Variants in ZMYND19 observed in about 807,000 individuals in gnomAD.
The protein encoded by ZMYND19 is zinc finger MYND-type containing 19.
In ZMYND19, 17 loss-of-function variants were observed where a neutral mutation model predicts 32.0. The ratio of observed to expected loss-of-function variants is 0.53; its 90% CI spans 0.36 to 0.80. ZMYND19 has a LOEUF of 0.80. Ranked by LOEUF, ZMYND19 falls within the 30% of genes least tolerant of loss-of-function variation. The pLI, the probability that ZMYND19 is intolerant of heterozygous loss-of-function variation, is 0.00. For synonymous variants in ZMYND19, 124 were observed against 113.6 expected (o/e 1.09, Z -0.58); for missense variants, 250 against 293.6 (o/e 0.85, Z 1.09).
At chr9:137,588,809 C>T (rs1842236770) in intron 1 of ZMYND19, 91 bp from the exon 2 acceptor site, 1 of 1,463,000 alleles carries the variant, frequency 6.8e-7, no homozygotes, top group Non-Finnish European at 9.6e-7. Context: ...GAGCCTGTTG[C>T]ATTTTCCTGT....
intron 5 of ZMYND19, 28 bp from the exon 6 acceptor site, chr9:137,582,714 C>T (rs1842161033): frequency 6.2e-7 from 1 of 1,607,582 alleles, no homozygotes; most frequent in Non-Finnish European, 8.5e-7. Flanking sequence ...TGTGGCTTCA[C>T]CATCATGCCT....
rs957621784 is a variant in ZMYND19, at chr9:137,589,352, G to A, written c.52-634C>T. The A allele has an allele frequency of 9.1e-6, 9 of 985,300 alleles. No individual in the cohort carries two copies. The African/African-American group carries it at 1.4e-4, about 15-fold the overall frequency. The allele number at this position is 985,300 out of a possible 1,614,324, so 61.0% of individuals were successfully genotyped here. ...AGGAAACAGGAACAGGTCCCAGAAC[G>A]GGCCAGTCTCCCTCTTGGCAGTTTT... On this transcript the variant is annotated intron_variant, in intron 1 of 5. Transcript: ENST00000298585.
At position 137,588,685 on chromosome 9, in the gene ZMYND19, G is replaced by C; in HGVS notation, c.85C>G (p.Pro29Ala). ...KYTLIDEQDI[P>A]LVESYSFEAR... is the part of the protein sequence containing the mutation. ...TCAAAGGAGTAGCTCTCCACCAGCGGGATGTCCTGCTCATCGATCAGCGTG... is the reference window on the plus strand; with the variant it reads ...TCAAAGGAGTAGCTCTCCACCAGCGCGATGTCCTGCTCATCGATCAGCGTG... Residue 29 changes from proline to alanine, a missense_variant, in exon 2 of 6, where the codon CCG (proline) becomes GCG (alanine). Pro to Ala is a conservative substitution (Grantham distance 27). This residue lies in a region of ZMYND19 where 212 missense variants were observed against 218.8 expected (regional missense o/e 0.97). Coordinates refer to ENST00000298585, the MANE Select transcript of ZMYND19 (RefSeq NM_138462.3). 1.9e-6 allele frequency: 3 copies of C among 1,614,198 alleles called. No individual in the cohort carries two copies. Among genetic ancestry groups the C allele is most frequent in the Non-Finnish European group, 2.5e-6 (3 of 1,180,008 alleles).
At chr9:137,586,260 G>A (rs1588973554) in intron 4 of ZMYND19, among the ~76,000 whole-genome samples, 1 of 152,148 alleles carries the variant, frequency 6.6e-6, no homozygotes, top group East Asian at 1.9e-4. Flanking sequence ...AAAGAATCCT[G>A]AGGTGAGGAG....
At chr9:137,587,247 G>A in intron 3 of ZMYND19, 140 bp from the exon 4 acceptor site, 1 of 1,376,620 alleles carries the variant, frequency 7.3e-7, no homozygotes. Flanking sequence ...TCCTTTGGAT[G>A]AGGGTACCTC....
At position 137,589,943 on chromosome 9, in the gene ZMYND19, G is replaced by A. The variant is rs1365607888; in HGVS notation, c.51+270C>T. On this transcript the variant is annotated intron_variant, in intron 1 of 5. Transcript: ENST00000298585. ...CCACGCATCTCCGCACCCGGCTCGG[G>A]ACAGGGCCGTGGCCTCCACCTCCGG... The A allele has an allele frequency of 3.0e-6, 3 of 985,256 alleles. No individual in the cohort carries two copies. The Admixed American group carries it at 1.8e-4, about 61-fold the overall frequency. The allele number at this position is 985,256 out of a possible 1,614,324, so 61.0% of individuals were successfully genotyped here.
rs1842255912 is a variant in ZMYND19, at chr9:137,590,134, GCCCGCACAACC to G, written c.51+68_51+78del. 3.1e-6 allele frequency: 3 copies of G among 952,906 alleles called. No homozygotes were observed. The Admixed American group carries it at 2.3e-4, about 74-fold the overall frequency. The allele number at this position is 952,906 out of a possible 1,614,324, so 59.0% of individuals were successfully genotyped here. On this transcript the variant is annotated intron_variant, in intron 1 of 5. Transcript: ENST00000298585. This position sits in a 1 kb window ranked among gnomAD's most constrained non-coding sequence, Gnocchi z 4.2. ...GCTCCGCGCCCCCGCCCCGGCCGCC[GCCCGCACAACC>G]GCCCCCGGCCCCGCGCGGAGGCCTG... is the stretch of plus-strand genomic sequence containing the variant.
At chr9:137,584,117 A>T (rs935450664) in intron 4 of ZMYND19, among the ~76,000 whole-genome samples, 1 of 152,260 alleles carries the variant, frequency 6.6e-6, no homozygotes, top group African/African-American at 2.4e-5. Context: ...GCCAGACAGG[A>T]TGTCAGGCCC....
intron 4 of ZMYND19, among the ~76,000 whole-genome samples, chr9:137,585,024 A>G (rs1409828533): frequency 6.6e-6 from 1 of 152,210 alleles, no homozygotes; most frequent in African/African-American, 2.4e-5. Flanking sequence ...CAACAATCGT[A>G]AGAGGCCTGG....
At chr9:137,588,629 T>A (rs1415690553) in intron 2 of ZMYND19, 30 bp downstream of exon 2, 1 of 1,613,476 alleles carries the variant, frequency 6.2e-7, no homozygotes, top group South Asian at 1.1e-5. Context: ...ACCACGAGCA[T>A]CAGGGGAGGG....
Position 137,587,732 on chromosome 9 carries a change from A to T in ZMYND19, c.203T>A (p.Leu68His). Residue 68 changes from leucine (L) to histidine (H), a missense_variant, in exon 3 of 6, where the codon CTT becomes CAT. By Grantham distance (99) the Leu-to-His change is moderately conservative (BLOSUM62 -3). This residue lies in a region of ZMYND19 where 212 missense variants were observed against 218.8 expected (regional missense o/e 0.97). Transcript: ENST00000298585. The part of the protein sequence containing the change: ...KNRGRGSGRL[L>H]HELLWERHRG... ...AAACACCCACCACAGCAGCTCATGA[A>T]GGAGTCTCCCAGAGCCCCTTCCTCG... The T allele has an allele frequency of 6.2e-7, 1 of 1,614,114 alleles. No homozygotes were observed.
chr9:137,588,886 C>G (rs1842237590), intron 1 of ZMYND19, 168 bp from the exon 2 acceptor site: 1 of 698,438 alleles, frequency 1.4e-6, no homozygotes, highest in African/African-American at 1.8e-5. Context: ...CTCATTCCAC[C>G]GTTTGGGGTG....
In ZMYND19 at chr9:137,589,969, C is replaced by A. The variant is rs530446752; in HGVS notation, c.51+244G>T. Reference sequence around the variant, plus strand: ...ACAGGGCCGTGGCCTCCACCTCCGGCAGGGCAGGGCCGAGGGTGGCCAGGT... The same window carrying A: ...ACAGGGCCGTGGCCTCCACCTCCGGAAGGGCAGGGCCGAGGGTGGCCAGGT... On this transcript the variant is annotated intron_variant, in intron 1 of 5. Transcript: ENST00000298585. 33 of 985,306 alleles carry A rather than the reference C, an allele frequency of 3.3e-5. No individual in the cohort carries two copies. The South Asian group carries it at 1.4e-3, about 42-fold the overall frequency. 61.0% of individuals were successfully genotyped at this position (985,306 alleles called of 1,614,324 possible). A position where few individuals can be genotyped will look rare whatever the true frequency, so the allele number is the denominator to read the frequency against.
chr9:137,586,288 A>C (rs1473608024), intron 4 of ZMYND19, among the ~76,000 whole-genome samples: 1 of 149,966 alleles, frequency 6.7e-6, no homozygotes, highest in East Asian at 1.9e-4. Context: ...AGGAATCCTG[A>C]GGTGAGCAGA....
chr9:137,587,230 C>A (rs1308555378), intron 3 of ZMYND19, 123 bp from the exon 4 acceptor site: 7 of 1,469,124 alleles, frequency 4.8e-6, no homozygotes, highest in Admixed American at 4.5e-5. Flanking sequence ...TCTGATCGGG[C>A]CCCTGGTCCT....
chr9:137,582,502 T>C lies in ZMYND19; in HGVS notation c.*41A>G. On this transcript the variant is annotated 3_prime_UTR_variant, in exon 6 of 6. Transcript: ENST00000298585. ...CAGTCTGTCTCTGCTGTGCCCAGGG[T>C]AGAGCCCGGGGGCTGTGAGTATGTG... The C allele has an allele frequency of 6.3e-7, 1 of 1,598,786 alleles. No homozygotes were observed. Among genetic ancestry groups the C allele is most frequent in the Non-Finnish European group, 8.5e-7 (1 of 1,173,056 alleles).
chr9:137,582,914 A>G (rs1176901724), intron 5 of ZMYND19, 69 bp downstream of exon 5: 13 of 1,583,516 alleles, frequency 8.2e-6, no homozygotes, highest in Non-Finnish European at 1.0e-5. Context: ...GTGGAGGGCA[A>G]GATCCCAAAC....
At chr9:137,588,320 G>C (rs1258569368) in intron 2 of ZMYND19, among the ~76,000 whole-genome samples, 1 of 152,236 alleles carries the variant, frequency 6.6e-6, no homozygotes, top group African/African-American at 2.4e-5. Context: ...GCTCTAAAGA[G>C]CAGGGTCTTC....
At chr9:137,587,138 C>T (rs369450923) in intron 3 of ZMYND19, 31 bp from the exon 4 acceptor site, 25 of 1,594,750 alleles carry the variant, frequency 1.6e-5, no homozygotes, top group African/African-American at 5.4e-5. Context: ...CTGCATCTAA[C>T]CCTGCATCGC....
Sources: allele counts gnomAD v4.1 joint callset (sites outside exome capture counted in the v4.1 genomes callset), GRCh38; gene constraint gnomAD v4.1.1; regional missense constraint gnomAD v4.1.1; non-coding constraint Gnocchi (gnomAD v3.1); transcripts MANE v1.5; gene names NCBI Gene and HGNC (gene_info 2026-07-23, HGNC 2026-07-21).